BLTP1: variants seen among roughly 807,000 people sequenced by gnomAD.
BLTP1 encodes bridge-like lipid transfer protein family member 1.
At chr4:122,188,979 C>T in the BLTP1 span, 2 of 984,848 alleles carry the variant, frequency 2.0e-6, no homozygotes, top group Admixed American at 6.2e-5. Flanking sequence ...TGTGGGTCTT[C>T]CTGGCCTCAC....
chr4:122,214,806 T>G, the BLTP1 span, among the ~76,000 whole-genome samples: 1 of 151,870 alleles, frequency 6.6e-6, no homozygotes, highest in Admixed American at 6.6e-5. Context: ...GAGACAGGGT[T>G]TCGCCATGTT....
chr4:122,197,322 TATAAATA>T, the BLTP1 span: 1 of 1,250,820 alleles, frequency 8.0e-7, no homozygotes, highest in African/African-American at 1.6e-5. Context: ...GGGAAATAAT[TATAAATA>T]ATAAAGTTTG....
the BLTP1 span, among the ~76,000 whole-genome samples, chr4:122,163,741 A>G: frequency 1.3e-5 from 2 of 152,206 alleles, no homozygotes; most frequent in African/African-American, 2.4e-5. Flanking sequence ...TTTGCCCACA[A>G]TCACACAGCT....
At chr4:122,338,476 C>G in the BLTP1 span, among the ~76,000 whole-genome samples, 1 of 151,970 alleles carries the variant, frequency 6.6e-6, no homozygotes, top group Admixed American at 6.6e-5. Flanking sequence ...TCTAAAAAAA[C>G]AGAGTGTCTC....
At chr4:122,303,224 C>G in the BLTP1 span, among the ~76,000 whole-genome samples, 1 of 152,194 alleles carries the variant, frequency 6.6e-6, no homozygotes, top group African/African-American at 2.4e-5. Context: ...AAATCTCTGC[C>G]TATGCTCTAT....
At chr4:122,290,586 AACCATCC>A in the BLTP1 span, among the ~76,000 whole-genome samples, 3 of 151,430 alleles carry the variant, frequency 2.0e-5, no homozygotes, top group African/African-American at 7.3e-5. Flanking sequence ...AGGAGGTCAA[AACCATCC>A]TGGCTAACAC....
At chr4:122,183,473 C>T in the BLTP1 span, 1 of 984,880 alleles carries the variant, frequency 1.0e-6, no homozygotes. Context: ...CTGTCACTTG[C>T]CTCTGGATAC....
chr4:122,322,179 G>A, the BLTP1 span, among the ~76,000 whole-genome samples: 1 of 150,678 alleles, frequency 6.6e-6, no homozygotes, highest in South Asian at 2.1e-4. Flanking sequence ...TACACATTTT[G>A]TAGTTGTCCC....
chr4:122,282,412 C>T, the BLTP1 span, among the ~76,000 whole-genome samples: 508 of 152,126 alleles, frequency 3.3e-3, 3 homozygotes, highest in Non-Finnish European at 5.5e-3. Flanking sequence ...GAGGCTGAGG[C>T]GGGTGGATCA....
chr4:122,167,405 A>T, the BLTP1 span, among the ~76,000 whole-genome samples: 6 of 152,074 alleles, frequency 3.9e-5, no homozygotes, highest in South Asian at 2.1e-4. Flanking sequence ...CCTGCATGGA[A>T]ACCCTACTTA....
chr4:122,197,908 T>C, the BLTP1 span: 1 of 895,342 alleles, frequency 1.1e-6, no homozygotes, highest in Non-Finnish European at 1.3e-6. Flanking sequence ...AACTTCATTT[T>C]GCCTTGTAAT....
chr4:122,220,803 C>G, the BLTP1 span, among the ~76,000 whole-genome samples: 1 of 152,044 alleles, frequency 6.6e-6, no homozygotes, highest in Non-Finnish European at 1.5e-5. Context: ...TGTTGAGTAT[C>G]ACAGCATAAA....
the BLTP1 span, chr4:122,202,428 T>G: frequency 6.0e-6 from 1 of 167,512 alleles, no homozygotes; most frequent in South Asian, 2.0e-4. Context: ...TTCCTTACTT[T>G]ATAGATGAGG....
chr4:122,174,401 G>A, the BLTP1 span: 1 of 958,320 alleles, frequency 1.0e-6, no homozygotes, highest in Non-Finnish European at 1.2e-6. Context: ...GGCACTTTTT[G>A]TTTTATTGGG....
chr4:122,301,062 G>T, the BLTP1 span: 1 of 949,588 alleles, frequency 1.1e-6, no homozygotes, highest in Non-Finnish European at 1.3e-6. Flanking sequence ...ACATGTTTTG[G>T]TTCAATAATA....
chr4:122,273,266 T>C, the BLTP1 span: 1 of 976,430 alleles, frequency 1.0e-6, no homozygotes, highest in Non-Finnish European at 1.2e-6. Flanking sequence ...CTTCTTTACC[T>C]GTTTTGTACC....
chr4:122,245,248 C>T, the BLTP1 span: 1 of 985,706 alleles, frequency 1.0e-6, no homozygotes, highest in Non-Finnish European at 1.5e-6. Context: ...AATATTTGGA[C>T]ATGTTCTAAA....
chr4:122,208,602 AT>A, the BLTP1 span: 6 of 977,814 alleles, frequency 6.1e-6, no homozygotes, highest in African/African-American at 7.0e-5. Flanking sequence ...CTTAAAAAAA[AT>A]ATCTGTGGAT....
chr4:122,164,679 A>G, the BLTP1 span, among the ~76,000 whole-genome samples: 78 of 152,198 alleles, frequency 5.1e-4, no homozygotes, highest in Non-Finnish European at 1.0e-3. Context: ...TTTGTTAGCC[A>G]TCAAAATTTG....
Sources: allele counts gnomAD v4.1 joint callset (sites outside exome capture counted in the v4.1 genomes callset), GRCh38; gene constraint gnomAD v4.1.1; transcripts MANE v1.5; gene names NCBI Gene and HGNC (gene_info 2026-07-23, HGNC 2026-07-21).